Variants in USP34 observed in about 807,000 individuals in gnomAD.
USP34 encodes ubiquitin carboxyl-terminal hydrolase 34.
A neutral mutation model predicts 460.3 loss-of-function variants in USP34; 70 were observed. The observed-to-expected ratio is 0.15, with a 90% CI of 0.13 to 0.19. USP34 has a LOEUF of 0.19. Ranked by LOEUF, USP34 falls within the 10% of genes least tolerant of loss-of-function variation. The probability of loss-of-function intolerance (pLI) is 1.00; values close to 1 mark genes in which losing one functional copy is unlikely to be tolerated. For missense variants in USP34, 3,985 were observed against 4,236.2 expected, an observed-to-expected ratio of 0.94 and a Z score of 1.65; for synonymous variants, 1,647 against 1,405.3, an observed-to-expected ratio of 1.17 and a Z score of -3.85.
chr2:61,192,980 C>G lies in USP34; in HGVS notation c.9509G>C (p.Ser3170Thr). Reference sequence around the variant, plus strand: ...CAAACCTTCATAGGCAACTAGGACACCTAATATTTGAAAAGAAATCAGAAT... The same window carrying G: ...CAAACCTTCATAGGCAACTAGGACAGCTAATATTTGAAAAGAAATCAGAAT... ...EKFTETLVKL[S>T]VLVAYEGLPL... The change falls in exon 76 of 80, where the codon AGT becomes ACT. Residue 3170 changes from serine (S) to threonine (T), a missense_variant and splice_region_variant. This residue lies in a region of USP34 where 506 missense variants were observed against 439.0 expected (regional missense o/e 1.15). Coordinates refer to ENST00000398571, the MANE Select transcript of USP34 (RefSeq NM_014709.4). The G allele has an allele frequency of 6.2e-7, 1 of 1,612,464 alleles. No homozygotes were observed. Among genetic ancestry groups the G allele is most frequent in the Non-Finnish European group, 8.5e-7 (1 of 1,178,996 alleles).
chr2:61,203,811 T>C (rs145732818), intron 74 of USP34, among the ~76,000 whole-genome samples: 2 of 152,072 alleles, frequency 1.3e-5, no homozygotes, highest in East Asian at 3.9e-4. Context: ...TTTTAGAATA[T>C]GAGTTAGAAG....
chr2:61,338,906 A>C (rs1691506868), intron 18 of USP34, among the ~76,000 whole-genome samples: 2 of 152,196 alleles, frequency 1.3e-5, no homozygotes, highest in African/African-American at 4.8e-5. Context: ...TATGCACTAC[A>C]AATGCTGAGA....
At chr2:61,354,616 A>C (rs533677074) in intron 10 of USP34, among the ~76,000 whole-genome samples, 1 of 152,322 alleles carries the variant, frequency 6.6e-6, no homozygotes, top group East Asian at 1.9e-4. Context: ...TGGGGCAGCC[A>C]GGGCTGAAAT....
chr2:61,296,222 T>C (rs768147250), intron 30 of USP34, among the ~76,000 whole-genome samples: 2 of 152,074 alleles, frequency 1.3e-5, no homozygotes, highest in South Asian at 2.1e-4. Flanking sequence ...ACCACACCAC[T>C]GTACTCCAGC....
At chr2:61,417,045 G>T in intron 2 of USP34, 1 of 1,317,982 alleles carries the variant, frequency 7.6e-7, no homozygotes, top group Non-Finnish European at 1.1e-6. Flanking sequence ...TCTTCTGGCA[G>T]CCGGGGAACT....
At chr2:61,221,680 T>A in intron 65 of USP34, 74 bp from the exon 66 acceptor site, 1 of 1,359,154 alleles carries the variant, frequency 7.4e-7, no homozygotes. Context: ...GAAACATATA[T>A]TCTACTACAC....
intron 27 of USP34, among the ~76,000 whole-genome samples, chr2:61,305,958 T>A (rs1690391391): frequency 6.6e-6 from 1 of 152,170 alleles, no homozygotes; most frequent in African/African-American, 2.4e-5. Context: ...TAAATTTGAG[T>A]TCTTTGTAGA....
chr2:61,381,680 C>T (rs951689842), intron 6 of USP34, among the ~76,000 whole-genome samples: 1 of 152,150 alleles, frequency 6.6e-6, no homozygotes, highest in Non-Finnish European at 1.5e-5. Context: ...TGTTTTCTTA[C>T]ACAGCAAAAC....
At chr2:61,317,388 A>G (rs1341490523) in intron 23 of USP34, among the ~76,000 whole-genome samples, 2 of 152,122 alleles carry the variant, frequency 1.3e-5, no homozygotes, top group Non-Finnish European at 2.9e-5. Flanking sequence ...TTAGCCAGGC[A>G]TGGTGGCAAA....
chr2:61,312,061 A>AT, intron 25 of USP34, 151 bp from the exon 26 acceptor site: 2 of 938,036 alleles, frequency 2.1e-6, no homozygotes, highest in Non-Finnish European at 3.0e-6. Context: ...TTAAGTTCAG[A>AT]TTCATCATAC....
intron 25 of USP34, among the ~76,000 whole-genome samples, chr2:61,313,577 T>C (rs868227813): frequency 6.6e-6 from 1 of 152,136 alleles, no homozygotes; most frequent in South Asian, 2.1e-4. Context: ...ATTAATTAAT[T>C]TGAATAAGTT....
At chr2:61,355,294 G>GATAA (rs1470681862) in intron 10 of USP34, among the ~76,000 whole-genome samples, 5 of 152,278 alleles carry the variant, frequency 3.3e-5, no homozygotes, top group African/African-American at 1.2e-4. Flanking sequence ...AAAGATCTCT[G>GATAA]ATAAATACAC....
intron 29 of USP34, among the ~76,000 whole-genome samples, chr2:61,300,005 A>G (rs892164637): frequency 2.0e-5 from 3 of 151,854 alleles, no homozygotes; most frequent in African/African-American, 7.3e-5. Context: ...TAAAACCCAA[A>G]CCACCACCAA....
In USP34 at chr2:61,420,877, C is replaced by T. The variant is rs373436574; in HGVS notation, c.44-44G>A. On this transcript the variant is annotated intron_variant, in intron 1 of 79. Coordinates refer to ENST00000398571, the MANE Select transcript of USP34 (RefSeq NM_014709.4). ...TTTAAAATTATGAATAATGCTAAAC[C>T]AGTATTAAAGCCAACAGTTCAAAAT... 23 of 1,437,654 alleles carry T rather than the reference C, an allele frequency of 1.6e-5. 1 individual carries two copies. In the African/African-American group the frequency reaches 2.8e-4, roughly 18 times the overall value. 89.1% of individuals were successfully genotyped at this position (1,437,654 alleles called of 1,614,324 possible). A position where few individuals can be genotyped will look rare whatever the true frequency, so the allele number is the denominator to read the frequency against.
chr2:61,427,589 A>G (rs534748269), intron 1 of USP34, among the ~76,000 whole-genome samples: 1 of 152,372 alleles, frequency 6.6e-6, no homozygotes, highest in Non-Finnish European at 1.5e-5. Flanking sequence ...GAAATTCAAG[A>G]TAACACAGAA....
chr2:61,209,576 A>G (rs1477946808), intron 69 of USP34, among the ~76,000 whole-genome samples: 1 of 152,258 alleles, frequency 6.6e-6, no homozygotes, highest in East Asian at 1.9e-4. Context: ...TGACGCTGGT[A>G]TAAACAAACT....
At chr2:61,277,512 T>C (rs1010186524) in intron 41 of USP34, among the ~76,000 whole-genome samples, 2 of 152,160 alleles carry the variant, frequency 1.3e-5, no homozygotes, top group Non-Finnish European at 2.9e-5. Context: ...GCTAGGACTA[T>C]AGGCACGAGC....
intron 61 of USP34, among the ~76,000 whole-genome samples, chr2:61,227,991 A>T (rs554008138): frequency 1.3e-5 from 2 of 152,344 alleles, no homozygotes; most frequent in East Asian, 3.9e-4. Context: ...GACTCAAAAG[A>T]TTTTATGATC....
At chr2:61,375,565 C>T (rs1304112828) in intron 8 of USP34, among the ~76,000 whole-genome samples, 3 of 152,008 alleles carry the variant, frequency 2.0e-5, no homozygotes, top group Admixed American at 6.6e-5. Context: ...GTCAGGAGAT[C>T]GAGTCCATCC....
Sources: gnomAD v4.1 joint callset for allele counts (sites outside exome capture counted in the v4.1 genomes callset) on GRCh38, gnomAD v4.1.1 for gene constraint, gnomAD v4.1.1 regional missense constraint, MANE v1.5 for transcripts, NCBI Gene and HGNC (gene_info 2026-07-23, HGNC 2026-07-21) for gene names.